Variants in UNC80 observed in about 807,000 individuals in gnomAD.
UNC80 encodes the protein unc-80 subunit of NALCN channel complex, also known as protein unc-80 homolog.
UNC80 carries 164 observed loss-of-function variants against 384.6 expected under a neutral mutation model. That is an observed-to-expected ratio of 0.43 (90% CI 0.38 to 0.49). The LOEUF (loss-of-function observed/expected upper bound fraction) is 0.49. Ranked by LOEUF, UNC80 falls within the 20% of genes least tolerant of loss-of-function variation. The pLI, the probability that UNC80 is intolerant of heterozygous loss-of-function variation, is 0.00. For missense variants in UNC80, 3,330 were observed against 4,143.0 expected, an observed-to-expected ratio of 0.80 and a Z score of 5.39; for synonymous variants, 1,486 against 1,527.8, an observed-to-expected ratio of 0.97 and a Z score of 0.64.
At chr2:209,894,088 T>C (rs1010930203) in intron 26 of UNC80, 75 bp from the exon 27 acceptor site, 7 of 937,002 alleles carry the variant, frequency 7.5e-6, no homozygotes, top group African/African-American at 7.1e-5. Flanking sequence ...CAGGGACAAG[T>C]TGGGGAGAGA....
intron 45 of UNC80, among the ~76,000 whole-genome samples, chr2:209,944,482 GT>G (rs1042123162): frequency 1.3e-5 from 2 of 152,104 alleles, no homozygotes; most frequent in African/African-American, 4.8e-5. Context: ...TTGTATCGTT[GT>G]TTTATTTGCA....
intron 48 of UNC80, 44 bp from the exon 49 acceptor site, chr2:209,957,597 CTGT>C (rs755073688): frequency 7.0e-4 from 990 of 1,412,690 alleles, no homozygotes; most frequent in Middle Eastern, 8.9e-4. Context: ...GTTTCCATTT[CTGT>C]TGTTGTTGTT....
intron 7 of UNC80, among the ~76,000 whole-genome samples, chr2:209,799,080 TAA>T (rs1210929701): frequency 2.2e-5 from 1 of 45,396 alleles, no homozygotes; most frequent in Non-Finnish European, 4.1e-5. Flanking sequence ...AAAAATAAAA[TAA>T]GTGTTTTTTT....
chr2:209,857,274 G>A (rs928366206), intron 22 of UNC80, among the ~76,000 whole-genome samples: 3 of 152,140 alleles, frequency 2.0e-5, no homozygotes, highest in Non-Finnish European at 2.9e-5. Flanking sequence ...TGAGTCCACG[G>A]ATATATTTAG....
chr2:209,783,135 C>T (rs935640258), intron 4 of UNC80, among the ~76,000 whole-genome samples: 1 of 152,090 alleles, frequency 6.6e-6, no homozygotes, highest in Non-Finnish European at 1.5e-5. Flanking sequence ...TTTATGACAT[C>T]CTGGAAACAG....
At chr2:209,800,051 G>C (rs6435542) in intron 7 of UNC80, among the ~76,000 whole-genome samples, 81,439 of 152,008 alleles carry the variant, frequency 0.54, 22,736 homozygotes, top group Admixed American at 0.62. Context: ...TCTCTTCCTG[G>C]TGTTGGTATC....
In UNC80 at chr2:209,849,449, A is replaced by C; in HGVS notation, c.3455-2A>C. 6.4e-7 allele frequency: 1 copy of C among 1,550,732 alleles called. No individual in the cohort carries two copies. The stretch of plus-strand genomic sequence containing the variant: ...TCCTCCACCATGGCACCACCTTTAC[A>C]GGTTGCCACAGTTTTGATGATCATC... On this transcript the variant is annotated splice_acceptor_variant, in intron 21 of 64. Coordinates refer to ENST00000673920, the MANE Select transcript of UNC80 (RefSeq NM_001371986.1). LOFTEE classifies it high-confidence loss of function.
chr2:209,896,596 T>C (rs985124902), intron 28 of UNC80, among the ~76,000 whole-genome samples, 183 bp downstream of exon 28: 2 of 152,206 alleles, frequency 1.3e-5, no homozygotes, highest in Non-Finnish European at 2.9e-5. Flanking sequence ...TGCTGGATTG[T>C]ACTCATCTTA....
At chr2:209,993,696 T>G (rs1054885679) in intron 63 of UNC80, among the ~76,000 whole-genome samples, 1 of 152,192 alleles carries the variant, frequency 6.6e-6, no homozygotes, top group Admixed American at 6.5e-5. Flanking sequence ...AGGATGTGGC[T>G]TCTTTACTGA....
intron 8 of UNC80, 49 bp from the exon 9 acceptor site, chr2:209,815,208 A>G (rs975697872): frequency 9.0e-5 from 137 of 1,527,620 alleles, no homozygotes; most frequent in Non-Finnish European, 1.1e-4. Flanking sequence ...TAAGAACAGT[A>G]TTTGGATGTA....
Position 209,994,132 on chromosome 2 carries a change from G to A in UNC80, c.9576G>A (p.Ala3192=), listed in dbSNP as rs367969794. 8.8e-5 allele frequency: 137 copies of A among 1,551,634 alleles called. No homozygotes were observed. In the African/African-American group the frequency reaches 1.3e-3, roughly 15 times the overall value. ...AGCCAGCAGCTGCCCCAACAGATGC[G>A]CTTCCTGCAACAGGCCAACTACAGG... ...QPEPAAAPTD[A]LPATGQLQGC... The change falls in exon 64 of 65, where the codon GCG becomes GCA. Residue 3192 remains alanine (A), a synonymous_variant. Transcript: ENST00000673920.
At position 209,829,401 on chromosome 2, in the gene UNC80, T is replaced by A. The variant is rs1227356229; in HGVS notation, c.2626+22T>A. ...GACAGTAAGTAAAGCTGCACCCAAGTTCTAGGAGAAGTCGTTGTGAGGTGA... is the reference window on the plus strand; with the variant it reads ...GACAGTAAGTAAAGCTGCACCCAAGATCTAGGAGAAGTCGTTGTGAGGTGA... On this transcript the variant is annotated intron_variant, in intron 15 of 64. Transcript: ENST00000673920. 9 of 1,550,548 alleles carry A rather than the reference T, an allele frequency of 5.8e-6. No individual in the cohort carries two copies. In the African/African-American group the frequency reaches 1.2e-4, roughly 21 times the overall value.
At position 209,926,995 on chromosome 2, in the gene UNC80, T is replaced by A; in HGVS notation, c.5806+9T>A. ...GGAAGATGGAGTAGCAGGTACAGTT[T>A]TGAACAGTCAGATCATCAGTGACAT... On this transcript the variant is annotated intron_variant, in intron 36 of 64. Transcript: ENST00000673920. 1 of 1,551,392 alleles carries A rather than the reference T, an allele frequency of 6.4e-7. No homozygotes were observed. Among genetic ancestry groups the A allele is most frequent in the East Asian group, 2.4e-5 (1 of 40,914 alleles).
At position 209,815,306 on chromosome 2, in the gene UNC80, C is replaced by T; in HGVS notation, c.1250C>T (p.Ala417Val). The change falls in exon 9 of 65, where the codon GCC becomes GTC. Residue 417 changes from alanine to valine, a missense_variant. By Grantham distance (64) the Ala-to-Val change is moderately conservative. Transcript: ENST00000673920. ...NEEEKSLSSE[A>V]FSKVSLTNLR... is the part of the protein sequence containing the mutation. ...GAGGAAAAATCTCTTAGCTCTGAGG[C>T]CTTTTCCAAGGTTTCACTGACCAAT... 1 of 1,551,602 alleles carries T rather than the reference C, an allele frequency of 6.4e-7. No homozygotes were observed. Among genetic ancestry groups the T allele is most frequent in the Non-Finnish European group, 8.7e-7 (1 of 1,146,918 alleles).
At chr2:209,878,654 C>T (rs2084995043) in intron 24 of UNC80, among the ~76,000 whole-genome samples, 1 of 152,160 alleles carries the variant, frequency 6.6e-6, no homozygotes, top group Non-Finnish European at 1.5e-5. Context: ...AATAGAATTT[C>T]ATCATAGAAA....
intron 7 of UNC80, among the ~76,000 whole-genome samples, chr2:209,813,285 T>C (rs1443823233): frequency 6.6e-6 from 1 of 152,212 alleles, no homozygotes; most frequent in African/African-American, 2.4e-5. Context: ...TTCATGCCTT[T>C]GTAGGCATTG....
intron 28 of UNC80, among the ~76,000 whole-genome samples, chr2:209,902,139 A>G (rs558774260): frequency 6.6e-6 from 1 of 152,274 alleles, no homozygotes; most frequent in Non-Finnish European, 1.5e-5. Flanking sequence ...ACCCTAATGG[A>G]AGACTTTGAG....
chr2:209,956,998 A>G (rs908881858), intron 48 of UNC80, among the ~76,000 whole-genome samples: 4 of 152,226 alleles, frequency 2.6e-5, no homozygotes, highest in African/African-American at 9.6e-5. Flanking sequence ...AAAAAACTGC[A>G]TTATGCCTTT....
In UNC80 at chr2:209,958,031, C is replaced by G. The variant is rs139470628; in HGVS notation, c.7550+295C>G. Among the ~76,000 whole-genome samples the G allele has an allele frequency of 1.1e-3, 163 of 152,216 alleles. 1 individual carries two copies. Among genetic ancestry groups the G allele is most frequent in the African/African-American group, 3.5e-3 (145 of 41,536 alleles). Reference sequence around the variant, plus strand: ...TCTTTGAACTATTCCAGTGTTGTTTCATTTACCTTCAACAAAAGGCAAATA... The same window carrying G: ...TCTTTGAACTATTCCAGTGTTGTTTGATTTACCTTCAACAAAAGGCAAATA... On this transcript the variant is annotated intron_variant, in intron 49 of 64. Coordinates refer to ENST00000673920, the MANE Select transcript of UNC80 (RefSeq NM_001371986.1).
Sources: allele counts gnomAD v4.1 joint callset (sites outside exome capture counted in the v4.1 genomes callset), GRCh38; gene constraint gnomAD v4.1.1; transcripts MANE v1.5; gene names NCBI Gene and HGNC (gene_info 2026-07-23, HGNC 2026-07-21).